The following SOX5 variants were observed in gnomAD, a reference collection of about 807,000 sequenced individuals.
SOX5 encodes the protein transcription factor SOX-5.
SOX5 carries 9 observed loss-of-function variants against 92.0 expected under a neutral mutation model. The ratio of observed to expected loss-of-function variants is 0.10; its 90% CI spans 0.06 to 0.17. SOX5 has a LOEUF of 0.17. SOX5 is among the 10% of genes least tolerant of loss of function. The pLI is 1.00. For missense variants in SOX5, 642 were observed against 944.5 expected (o/e 0.68, Z 4.20); for synonymous variants, 344 against 336.3 (o/e 1.02, Z -0.25).
intron 2 of SOX5, among the ~76,000 whole-genome samples, chr12:23,851,375 A>G (rs2096631787): frequency 1.3e-5 from 2 of 152,172 alleles, no homozygotes; most frequent in African/African-American, 4.8e-5. Flanking sequence ...CAATTTTCCA[A>G]TATTAATGTT....
chr12:24,010,188 C>T (rs771153133), intron 4 of SOX5, among the ~76,000 whole-genome samples: 1 of 152,156 alleles, frequency 6.6e-6, no homozygotes, highest in Non-Finnish European at 1.5e-5. Flanking sequence ...GATTTGTCAA[C>T]GTTTTCAGAG....
chr12:23,880,015 C>T (rs1028801723), intron 2 of SOX5, among the ~76,000 whole-genome samples: 4 of 152,138 alleles, frequency 2.6e-5, no homozygotes, highest in Admixed American at 6.5e-5. Flanking sequence ...GCTGTGACTG[C>T]AAGTCAGTTG....
At chr12:24,534,207 T>A (rs1439998164) in intron 1 of SOX5, among the ~76,000 whole-genome samples, 1 of 151,980 alleles carries the variant, frequency 6.6e-6, no homozygotes, top group African/African-American at 2.4e-5. Flanking sequence ...TCCACTGCAA[T>A]TCAAATGGGA....
At chr12:23,755,281 T>C (rs2094328178) in intron 4 of SOX5, among the ~76,000 whole-genome samples, 3 of 151,830 alleles carry the variant, frequency 2.0e-5, no homozygotes, top group South Asian at 4.1e-4. Context: ...ATGTACAATG[T>C]ACAAAATCTT....
chr12:24,525,198 G>A (rs1270866180), intron 1 of SOX5, among the ~76,000 whole-genome samples: 1 of 152,126 alleles, frequency 6.6e-6, no homozygotes, highest in Non-Finnish European at 1.5e-5. Context: ...TACATACAAG[G>A]CAATATCATT....
intron 2 of SOX5, among the ~76,000 whole-genome samples, chr12:24,321,837 T>C (rs143012018): frequency 1.8e-4 from 28 of 152,328 alleles, no homozygotes; most frequent in African/African-American, 6.3e-4. Context: ...GGAAAAGTTA[T>C]ATTATGTGAA....
intron 4 of SOX5, among the ~76,000 whole-genome samples, chr12:23,753,102 T>C (rs1409474150): frequency 2.0e-5 from 3 of 151,842 alleles, no homozygotes; most frequent in Non-Finnish European, 2.9e-5. Flanking sequence ...CAACCATTAA[T>C]TGATAGCTAA....
At chr12:23,994,733 G>A (rs1569439994) in intron 4 of SOX5, among the ~76,000 whole-genome samples, 1 of 152,056 alleles carries the variant, frequency 6.6e-6, no homozygotes, top group Admixed American at 6.6e-5. Flanking sequence ...TATTTTTCCT[G>A]ATAGGCTAAT....
intron 4 of SOX5, among the ~76,000 whole-genome samples, chr12:23,957,044 C>A (rs1200677177): frequency 6.6e-6 from 1 of 152,154 alleles, no homozygotes; most frequent in African/African-American, 2.4e-5. Flanking sequence ...TTTCTATAAT[C>A]TCTTCTTTGA....
chr12:23,987,685 A>C (rs7485977), intron 4 of SOX5, among the ~76,000 whole-genome samples: 15,569 of 152,212 alleles, frequency 0.1, 1,044 homozygotes, highest in East Asian at 0.21. Context: ...CCCAGCTACG[A>C]GGGAGGCTTA....
At chr12:23,716,094 G>A (rs987445113) in intron 6 of SOX5, among the ~76,000 whole-genome samples, 4 of 152,096 alleles carry the variant, frequency 2.6e-5, no homozygotes, top group Non-Finnish European at 5.9e-5. Context: ...TGCAACACAC[G>A]GGAAGTGTTG....
At chr12:23,975,786 A>C (rs2140194184) in intron 4 of SOX5, among the ~76,000 whole-genome samples, 1 of 152,334 alleles carries the variant, frequency 6.6e-6, no homozygotes, top group Middle Eastern at 3.4e-3. Context: ...CATAATATGC[A>C]CTATAAGTTT....
At chr12:24,497,845 T>C (rs1041911031) in intron 1 of SOX5, among the ~76,000 whole-genome samples, 1 of 152,186 alleles carries the variant, frequency 6.6e-6, no homozygotes, top group East Asian at 1.9e-4. Context: ...GTGGTACATA[T>C]GCACCATGGC....
intron 1 of SOX5, among the ~76,000 whole-genome samples, chr12:24,548,429 T>C (rs144194509): frequency 6.6e-6 from 1 of 152,334 alleles, no homozygotes; most frequent in East Asian, 1.9e-4. Flanking sequence ...GATTTTAGAA[T>C]ATCTGTACGA....
intron 1 of SOX5, among the ~76,000 whole-genome samples, chr12:24,395,406 T>C (rs1016903525): frequency 5.3e-5 from 8 of 152,144 alleles, no homozygotes; most frequent in African/African-American, 1.4e-4. Flanking sequence ...ACAGAAATAA[T>C]TGGCCAAAAA....
chr12:24,007,187 A>T (rs1181854683), intron 4 of SOX5, among the ~76,000 whole-genome samples: 4 of 67,334 alleles, frequency 5.9e-5, no homozygotes, highest in East Asian at 4.2e-4. Context: ...TTATATATAT[A>T]AATGTATATA....
At chr12:24,057,536 T>G (rs984162397) in intron 4 of SOX5, among the ~76,000 whole-genome samples, 1 of 152,204 alleles carries the variant, frequency 6.6e-6, no homozygotes, top group Non-Finnish European at 1.5e-5. Context: ...TCGTTTTGTT[T>G]TAAATTTCAT....
At chr12:24,211,970 A>G (rs895759734) in intron 4 of SOX5, among the ~76,000 whole-genome samples, 3 of 152,254 alleles carry the variant, frequency 2.0e-5, no homozygotes, top group Admixed American at 1.3e-4. Context: ...GTTTATTTCC[A>G]TAATATTTGC....
chr12:23,919,504 ATACT>A, intron 1 of SOX5, among the ~76,000 whole-genome samples: 1 of 152,358 alleles, frequency 6.6e-6, no homozygotes, highest in South Asian at 2.1e-4. Flanking sequence ...AATGCAGCTA[ATACT>A]TATATAGCAA....
Sources: gnomAD v4.1 joint callset for allele counts (sites outside exome capture counted in the v4.1 genomes callset) on GRCh38, gnomAD v4.1.1 for gene constraint, MANE v1.5 for transcripts, NCBI Gene and HGNC (gene_info 2026-07-23, HGNC 2026-07-21) for gene names.